The following CTBP2 variants were observed in gnomAD, a reference collection of about 807,000 sequenced individuals.
CTBP2 encodes the protein C-terminal-binding protein 2.
In CTBP2, 30 loss-of-function variants were observed where a neutral mutation model predicts 80.3. The ratio of observed to expected loss-of-function variants is 0.37; its 90% confidence interval spans 0.28 to 0.51. The LOEUF (loss-of-function observed/expected upper bound fraction) is 0.51, where lower values mean the gene tolerates loss of function less well. CTBP2 is among the 20% of genes least tolerant of loss of function. The pLI is 0.93. For synonymous variants in CTBP2, 594 were observed against 587.4 expected (o/e 1.01, Z -0.16); for missense variants, 1,212 against 1,375.3 (o/e 0.88, Z 1.88).
In CTBP2 at chr10:125,104,824, C is replaced by G. The variant is rs758178571; in HGVS notation, c.-102+6166G>C. On this transcript the variant is annotated intron_variant, in intron 2 of 10. Coordinates refer to the CTBP2 transcript ENST00000337195. ...AGTTTGCCAAAAATAAATGAATCAA[C>G]CAATCAATAAAGCAAATGTGTTCAG... Among the ~76,000 whole-genome samples, 8 of 152,264 alleles carry G rather than the reference C, an allele frequency of 5.3e-5. No homozygotes were observed. In the South Asian group the frequency reaches 6.2e-4, roughly 12 times the overall value.
At chr10:125,101,749 G>A (rs879910883) in intron 2 of CTBP2, among the ~76,000 whole-genome samples, 1 of 152,164 alleles carries the variant, frequency 6.6e-6, no homozygotes, top group Non-Finnish European at 1.5e-5. Flanking sequence ...GATGCAACCT[G>A]TACTACCTTC....
intron 1 of CTBP2, chr10:125,138,265 C>T (rs1857259198): frequency 6.6e-6 from 1 of 152,172 alleles, no homozygotes; most frequent in Non-Finnish European, 1.5e-5. Flanking sequence ...TGCACTCATC[C>T]TGGAGCCGAC....
At chr10:125,069,924 G>C (rs1845207564) in intron 2 of CTBP2, among the ~76,000 whole-genome samples, 1 of 103,886 alleles carries the variant, frequency 9.6e-6, no homozygotes, top group Admixed American at 1.4e-4. Flanking sequence ...AGTGAATATA[G>C]AAAGATAAAA....
At chr10:125,074,587 C>T (rs1846005955) in intron 2 of CTBP2, among the ~76,000 whole-genome samples, 1 of 152,206 alleles carries the variant, frequency 6.6e-6, no homozygotes, top group African/African-American at 2.4e-5. Context: ...TTCAGGTGAT[C>T]CGCCCGCCTC....
chr10:125,161,147 ATAC>A (rs1388236725), upstream of CTBP2: 43 of 150,256 alleles, frequency 2.9e-4, no homozygotes, highest in African/African-American at 1.0e-3. Flanking sequence ...CCCCCTTCAG[ATAC>A]TCCTCACTAC....
intron 2 of CTBP2, among the ~76,000 whole-genome samples, chr10:125,062,585 C>G (rs560452651): frequency 2.6e-5 from 4 of 152,098 alleles, no homozygotes; most frequent in Admixed American, 1.3e-4. Context: ...ACGGAGGGAC[C>G]GGGTGCGGTA....
chr10:125,085,255 C>G (rs1847808014), intron 2 of CTBP2, among the ~76,000 whole-genome samples: 1 of 152,106 alleles, frequency 6.6e-6, no homozygotes, highest in Non-Finnish European at 1.5e-5. Flanking sequence ...ACATTTTTAC[C>G]AACAGCATAA....
At chr10:125,127,850 G>A (rs1855524722) in intron 1 of CTBP2, among the ~76,000 whole-genome samples, 1 of 152,234 alleles carries the variant, frequency 6.6e-6, no homozygotes, top group Admixed American at 6.5e-5. Context: ...GAAATTTTTG[G>A]TTGCTGTATT....
At position 125,072,637 on chromosome 10, in the gene CTBP2, A is replaced by G. The variant is rs1188979632; in HGVS notation, c.-101-33482T>C. The stretch of plus-strand genomic sequence containing the variant: ...GACTCTGTCTCAAAAAAGAAAAGAA[A>G]AAAAAAAAAAAAAAAAAAAAGGAAA... On this transcript the variant is annotated intron_variant, in intron 2 of 10. Coordinates refer to the CTBP2 transcript ENST00000337195. Among the ~76,000 whole-genome samples, 31 of 46,416 alleles carry G rather than the reference A, an allele frequency of 6.7e-4. No homozygotes were observed. The East Asian group carries it at 9.0e-3, about 14-fold the overall frequency. The allele number at this position is 46,416 out of a possible 152,430, so 30.5% of individuals were successfully genotyped here.
intron 2 of CTBP2, among the ~76,000 whole-genome samples, chr10:125,075,274 A>G (rs1248623356): frequency 6.6e-6 from 1 of 152,216 alleles, no homozygotes; most frequent in Admixed American, 6.5e-5. Flanking sequence ...ATGGCCCCCA[A>G]GAAGAGTATG....
chr10:125,002,559 A>G (rs1385617992), intron 3 of CTBP2, among the ~76,000 whole-genome samples: 2 of 152,180 alleles, frequency 1.3e-5, no homozygotes, highest in Non-Finnish European at 2.9e-5. Flanking sequence ...AGAGCTGTGC[A>G]CACGGCAGGG....
intron 2 of CTBP2, among the ~76,000 whole-genome samples, chr10:125,059,615 A>G (rs1590407588): frequency 3.9e-5 from 6 of 152,284 alleles, no homozygotes; most frequent in Middle Eastern, 6.8e-3. Context: ...CCACCAACCC[A>G]TCCTGATCCA....
At chr10:125,146,044 C>A (rs1270581892) in intron 1 of CTBP2, among the ~76,000 whole-genome samples, 3 of 152,104 alleles carry the variant, frequency 2.0e-5, no homozygotes, top group Non-Finnish European at 2.9e-5. Flanking sequence ...CTGCCTCAGC[C>A]TCCCGATTAG....
chr10:125,092,721 T>C (rs781740612), intron 2 of CTBP2, among the ~76,000 whole-genome samples: 7 of 152,062 alleles, frequency 4.6e-5, no homozygotes, highest in Non-Finnish European at 1.0e-4. Context: ...AGGCAGCAGG[T>C]GTCCTGTCTC....
intron 2 of CTBP2, among the ~76,000 whole-genome samples, chr10:125,051,010 A>G (rs79536333): frequency 0.024 from 3,650 of 152,310 alleles, 130 homozygotes; most frequent in African/African-American, 0.081. Context: ...GCTCATCGTG[A>G]GCTACCATCA....
upstream of CTBP2, among the ~76,000 whole-genome samples, chr10:125,028,347 G>A (rs1484858623): frequency 6.6e-6 from 1 of 152,202 alleles, no homozygotes; most frequent in Non-Finnish European, 1.5e-5. Context: ...AGCAAAATAA[G>A]GCTGCTTCAA....
chr10:125,001,075 C>T (rs1476864372), intron 3 of CTBP2: 1 of 152,250 alleles, frequency 6.6e-6, no homozygotes, highest in Admixed American at 6.5e-5. Flanking sequence ...TCAGGGAACA[C>T]AACCTCCCAT....
intron 2 of CTBP2, among the ~76,000 whole-genome samples, chr10:125,103,448 C>T (rs1850950317): frequency 6.6e-6 from 1 of 152,190 alleles, no homozygotes; most frequent in Admixed American, 6.5e-5. Flanking sequence ...AGTCCATTTA[C>T]AACACTTTTT....
chr10:125,035,097 C>T (rs140882769), intron 3 of CTBP2, among the ~76,000 whole-genome samples: 239 of 152,282 alleles, frequency 1.6e-3, no homozygotes, highest in Middle Eastern at 0.01. Flanking sequence ...CAGAAGAGAC[C>T]CACTGGGGAA....
Sources: gnomAD v4.1 joint callset for allele counts (sites outside exome capture counted in the v4.1 genomes callset) on GRCh38, gnomAD v4.1.1 for gene constraint, MANE v1.5 for transcripts, NCBI Gene and HGNC (gene_info 2026-07-23, HGNC 2026-07-21) for gene names.